The following CFLAR variants were observed in gnomAD, a reference collection of about 807,000 sequenced individuals.
The protein encoded by CFLAR is CASP8 and FADD like apoptosis regulator.
CFLAR carries 14 observed loss-of-function variants against 51.1 expected under a neutral mutation model. The observed-to-expected ratio is 0.27, with a 90% CI of 0.18 to 0.43. The LOEUF (loss-of-function observed/expected upper bound fraction) is 0.43, where lower values mean the gene tolerates loss of function less well. Ranked by LOEUF, CFLAR falls within the 20% of genes least tolerant of loss-of-function variation. CFLAR has a pLI of 1.00. For missense variants in CFLAR, 390 were observed against 566.5 expected (o/e 0.69, Z 3.16); for synonymous variants, 210 against 211.6 (o/e 0.99, Z 0.06).
intron 5 of CFLAR, chr2:201,140,649 GAAAAT>G (rs1043086400): frequency 7.4e-5 from 36 of 486,318 alleles, no homozygotes; most frequent in Non-Finnish European, 1.2e-4. Flanking sequence ...AAAGATAAAA[GAAAAT>G]AAATCACCTA....
At chr2:201,142,247 C>T (rs1311159236) in intron 5 of CFLAR, among the ~76,000 whole-genome samples, 3 of 151,282 alleles carry the variant, frequency 2.0e-5, no homozygotes, top group African/African-American at 4.9e-5. Flanking sequence ...TGCACTCCAG[C>T]CCTGGTGACA....
chr2:201,131,066 C>CTTCAGTCCA (rs2049261135), intron 2 of CFLAR, among the ~76,000 whole-genome samples: 1 of 152,182 alleles, frequency 6.6e-6, no homozygotes, highest in African/African-American at 2.4e-5. Context: ...ATTTAAGTCC[C>CTTCAGTCCA]TTCAGTCCAA....
At chr2:201,120,023 C>CTTTT (rs34076189) in intron 1 of CFLAR, among the ~76,000 whole-genome samples, 119 of 112,214 alleles carry the variant, frequency 1.1e-3, no homozygotes, top group African/African-American at 1.5e-3. Context: ...CTTTTCTTTT[C>CTTTT]TTTTTTTTTT....
rs1944147554 is a variant in CFLAR, at chr2:201,174,975, G to A, written c.*11002G>A. 1 of 152,126 alleles carries A rather than the reference G, an allele frequency of 6.6e-6. No individual in the cohort carries two copies. The highest frequency in any genetic ancestry group is 2.1e-4 in the South Asian group (1 of 4,830). The allele number at this position is 152,126 out of a possible 1,614,324, so 9.4% of individuals were successfully genotyped here. ...ATTCTATGGTAATTATAATACATTA[G>A]CACGCTAAAAGAAACTTCTACAGCA... On this transcript the variant is annotated 3_prime_UTR_variant, in exon 10 of 10. Coordinates refer to ENST00000309955, the MANE Select transcript of CFLAR (RefSeq NM_003879.7).
At chr2:201,139,334 T>C (rs1348823581) in intron 4 of CFLAR, 1 of 237,144 alleles carries the variant, frequency 4.2e-6, no homozygotes, top group African/African-American at 2.3e-5. Context: ...AAGCCAGGTA[T>C]TGTCCAAGGT....
intron 8 of CFLAR, chr2:201,151,100 A>C (rs535936516): frequency 1.3e-5 from 2 of 152,188 alleles, no homozygotes; most frequent in African/African-American, 4.8e-5. Context: ...TCACTTACAG[A>C]GCTTTGGATA....
At chr2:201,125,540 C>A (rs182996510) in intron 1 of CFLAR, among the ~76,000 whole-genome samples, 1 of 151,858 alleles carries the variant, frequency 6.6e-6, no homozygotes, top group Admixed American at 6.6e-5. Context: ...GAGGCTTAGC[C>A]CTAGGCAAGC....
Position 201,163,639 on chromosome 2 carries a change from C to T in CFLAR, c.1305-196C>T, listed in dbSNP as rs1575977524. ...GTTCCCAGAGTGAAACTCAGCAGCCCCTTGAGGGAGGGGATGGTGGCCATC... is the reference window on the plus strand; with the variant it reads ...GTTCCCAGAGTGAAACTCAGCAGCCTCTTGAGGGAGGGGATGGTGGCCATC... On this transcript the variant is annotated intron_variant, in intron 9 of 9. Coordinates refer to ENST00000309955, the MANE Select transcript of CFLAR (RefSeq NM_003879.7). The T allele has an allele frequency of 3.6e-6, 5 of 1,383,860 alleles. No homozygotes were observed. The East Asian group carries it at 1.1e-4, about 30-fold the overall frequency. 85.7% of individuals were successfully genotyped at this position (1,383,860 alleles called of 1,614,324 possible).
In CFLAR at chr2:201,175,623, CAAAATA is replaced by C. The variant is rs781168805; in HGVS notation, c.*11659_*11664del. 1.3e-5 allele frequency: 2 copies of C among 152,038 alleles called. No individual in the cohort carries two copies. The highest frequency in any genetic ancestry group is 2.1e-4 in the South Asian group (1 of 4,820). The allele number at this position is 152,038 out of a possible 1,614,324, so 9.4% of individuals were successfully genotyped here. A position where few individuals can be genotyped will look rare whatever the true frequency, so the allele number is the denominator to read the frequency against. On this transcript the variant is annotated 3_prime_UTR_variant, in exon 10 of 10. Coordinates refer to ENST00000309955, the MANE Select transcript of CFLAR (RefSeq NM_003879.7). ...TGGGGAACAGAGTGAGACCCTGTCT[CAAAATA>C]AAAATAAATTTGAGGTGTATTGCCA... is the stretch of plus-strand genomic sequence containing the variant.
intron 1 of CFLAR, among the ~76,000 whole-genome samples, chr2:201,126,408 G>T (rs2048717264): frequency 6.6e-6 from 1 of 152,136 alleles, no homozygotes; most frequent in Non-Finnish European, 1.5e-5. Flanking sequence ...TTGCATTCTT[G>T]GATGTGCTGG....
chr2:201,134,661 T>C (rs1575673553), intron 3 of CFLAR, among the ~76,000 whole-genome samples: 1 of 149,948 alleles, frequency 6.7e-6, no homozygotes, highest in South Asian at 2.1e-4. Context: ...TAAAATAAAA[T>C]AAAATAAAAT....
In CFLAR at chr2:201,173,863, G is replaced by C; in HGVS notation, c.*9890G>C. 6.6e-6 allele frequency: 1 copy of C among 151,842 alleles called. No homozygotes were observed. The highest frequency in any genetic ancestry group is 1.5e-5 in the Non-Finnish European group (1 of 67,974). The allele number at this position is 151,842 out of a possible 1,614,324, so 9.4% of individuals were successfully genotyped here. ...ATTTTTGTATTTTTAGTAGAGACAG[G>C]GTTTCGCCATGTTGGCCAGGCTGGT... is the stretch of plus-strand genomic sequence containing the variant. On this transcript the variant is annotated 3_prime_UTR_variant, in exon 10 of 10. Coordinates refer to ENST00000309955, the MANE Select transcript of CFLAR (RefSeq NM_003879.7).
chr2:201,136,255 C>T lies in CFLAR; in HGVS notation c.523+148C>T, dbSNP rs372381914. The T allele has an allele frequency of 7.6e-4, 1,222 of 1,602,952 alleles. 1 individual carries two copies. The highest frequency in any genetic ancestry group is 9.3e-4 in the Non-Finnish European group (1,100 of 1,179,838). The stretch of plus-strand genomic sequence containing the variant: ...TCCTTTAGCTTGTGGCTAGAAATCG[C>T]GTCCCTTTATATTCTTCATATCCCA... On this transcript the variant is annotated intron_variant, in intron 4 of 9. Transcript: ENST00000309955.
intron 9 of CFLAR, chr2:201,163,468 G>C (rs1034623467): frequency 1.8e-6 from 2 of 1,116,978 alleles, no homozygotes; most frequent in African/African-American, 3.3e-5. Flanking sequence ...GGCCTCCTTA[G>C]TGGTGGCCCA....
At chr2:201,129,627 C>G (rs552682140) in intron 1 of CFLAR, 102 bp from the exon 2 acceptor site, 8 of 521,228 alleles carry the variant, frequency 1.5e-5, no homozygotes, top group Non-Finnish European at 2.4e-5. Context: ...ACTTAATCTA[C>G]TTAAGTCAGG....
At position 201,138,522 on chromosome 2, in the gene CFLAR, A is replaced by C. The variant is rs1383793135; in HGVS notation, c.524-1835A>C. On this transcript the variant is annotated intron_variant, in intron 4 of 9. Coordinates refer to ENST00000309955, the MANE Select transcript of CFLAR (RefSeq NM_003879.7). This position sits in a 1 kb window ranked among gnomAD's most constrained non-coding sequence, Gnocchi z 4.0. ...CACCACTAGCTTGATCCTTGGCATC[A>C]TCACCTCACTGAGGAGGGTGGTGTG... The C allele has an allele frequency of 6.6e-7, 1 of 1,517,016 alleles. No individual in the cohort carries two copies. The highest frequency in any genetic ancestry group is 2.2e-5 in the East Asian group (1 of 44,492). The allele number at this position is 1,517,016 out of a possible 1,614,324, so 94.0% of individuals were successfully genotyped here. A position where few individuals can be genotyped will look rare whatever the true frequency, so the allele number is the denominator to read the frequency against.
intron 4 of CFLAR, chr2:201,136,695 G>A: frequency 1.3e-6 from 1 of 792,272 alleles, no homozygotes; most frequent in South Asian, 1.9e-5. Context: ...CAGCCTAAAG[G>A]GCATGGCTGA....
intron 2 of CFLAR, 41 bp downstream of exon 2, chr2:201,130,187 G>GGGGGGGGGGGGGCC: frequency 4.1e-5 from 12 of 292,356 alleles, no homozygotes; most frequent in East Asian, 9.3e-5. Context: ...GGGTGGGAGG[G>GGGGGGGGGGGGGCC]AGTGAAGTGT....
At position 201,170,961 on chromosome 2, in the gene CFLAR, A is replaced by G. The variant is rs542475560; in HGVS notation, c.*6988A>G. ...ATATTAATTACTTACAAATAACCTC[A>G]CCTAAACACTACTCAGCCATAAAAA... is the stretch of plus-strand genomic sequence containing the variant. On this transcript the variant is annotated 3_prime_UTR_variant, in exon 10 of 10. Transcript: ENST00000309955. 9.2e-5 allele frequency: 14 copies of G among 152,328 alleles called. No individual in the cohort carries two copies. Among genetic ancestry groups the G allele is most frequent in the African/African-American group, 3.1e-4 (13 of 41,570 alleles). 9.4% of individuals were successfully genotyped at this position (152,328 alleles called of 1,614,324 possible).
Sources: allele counts gnomAD v4.1 joint callset (sites outside exome capture counted in the v4.1 genomes callset), GRCh38; gene constraint gnomAD v4.1.1; non-coding constraint Gnocchi (gnomAD v3.1); transcripts MANE v1.5; gene names NCBI Gene and HGNC (gene_info 2026-07-23, HGNC 2026-07-21).